POLN: variants seen among roughly 807,000 people sequenced by gnomAD.
POLN encodes DNA polymerase nu.
POLN carries 108 observed loss-of-function variants against 113.5 expected under a neutral mutation model. The ratio of observed to expected loss-of-function variants is 0.95; its 90% CI spans 0.81 to 1.12. The LOEUF is 1.12. Among genes scored for constraint, POLN ranks in the 50% most tolerant of loss-of-function variants. POLN has a pLI of 0.00. For missense variants in POLN, 1,097 were observed against 1,077.1 expected, an observed-to-expected ratio of 1.02 and a Z score of -0.26; for synonymous variants, 386 against 391.5, an observed-to-expected ratio of 0.99 and a Z score of 0.17.
At chr4:2,239,708 T>C (rs1734901040) in intron 2 of POLN, among the ~76,000 whole-genome samples, 1 of 152,178 alleles carries the variant, frequency 6.6e-6, no homozygotes, top group Admixed American at 6.6e-5. Flanking sequence ...ATAAAGCAAT[T>C]AGTTTCTAGC....
chr4:2,162,361 C>T (rs371834785), intron 13 of POLN, among the ~76,000 whole-genome samples: 4 of 151,822 alleles, frequency 2.6e-5, no homozygotes, highest in African/African-American at 4.8e-5. Flanking sequence ...AGCGAGACCA[C>T]GAACCCACCA....
chr4:2,112,456 G>A (rs957071873), intron 19 of POLN, among the ~76,000 whole-genome samples: 80 of 151,974 alleles, frequency 5.3e-4, no homozygotes, highest in Non-Finnish European at 1.0e-3. Flanking sequence ...GCAACCTACA[G>A]AATGGGAGAA....
intron 11 of POLN, among the ~76,000 whole-genome samples, chr4:2,171,681 G>A (rs751808514): frequency 7.3e-5 from 11 of 150,254 alleles, no homozygotes; most frequent in Non-Finnish European, 8.9e-5. Flanking sequence ...GGTTCACACC[G>A]GTGATCCCAG....
chr4:2,085,207 A>G (rs927606456), intron 21 of POLN, among the ~76,000 whole-genome samples: 8 of 152,172 alleles, frequency 5.3e-5, no homozygotes, highest in African/African-American at 1.7e-4. Flanking sequence ...CCACCTTTTC[A>G]TTGCACTGTG....
chr4:2,182,031 A>T (rs115023056), intron 7 of POLN, among the ~76,000 whole-genome samples: 2,074 of 152,176 alleles, frequency 0.014, 29 homozygotes, highest in Non-Finnish European at 0.021. Context: ...TTTAAACTAC[A>T]TAAAGACATA....
chr4:2,190,208 C>T (rs576395877), intron 7 of POLN, among the ~76,000 whole-genome samples: 88 of 151,970 alleles, frequency 5.8e-4, no homozygotes, highest in South Asian at 2.3e-3. Flanking sequence ...GACATAAAAC[C>T]GACACGCAGA....
chr4:2,084,159 C>G (rs1730496467), intron 21 of POLN, among the ~76,000 whole-genome samples: 1 of 152,246 alleles, frequency 6.6e-6, no homozygotes, highest in Non-Finnish European at 1.5e-5. Context: ...AGACTATTCT[C>G]AGGGGTGGCT....
intron 8 of POLN, among the ~76,000 whole-genome samples, chr4:2,176,760 C>T (rs768670775): frequency 1.3e-5 from 2 of 152,134 alleles, no homozygotes; most frequent in African/African-American, 4.8e-5. Flanking sequence ...TCCACACTTA[C>T]CCCTCCATTC....
intron 19 of POLN, among the ~76,000 whole-genome samples, chr4:2,107,803 G>A (rs1037251447): frequency 2.6e-5 from 4 of 152,142 alleles, no homozygotes; most frequent in East Asian, 1.9e-4. Flanking sequence ...GAAAACTGCC[G>A]CTGGGGCCTG....
intron 23 of POLN, among the ~76,000 whole-genome samples, chr4:2,076,119 C>T (rs1203064352): frequency 1.3e-5 from 2 of 152,192 alleles, no homozygotes; most frequent in East Asian, 1.9e-4. Context: ...CCTCCCAGGG[C>T]GTCAGCAGGG....
At chr4:2,140,126 T>C (rs981702820) in intron 16 of POLN, 2 of 152,194 alleles carry the variant, frequency 1.3e-5, no homozygotes, top group African/African-American at 4.8e-5. Flanking sequence ...TCGCCCAGAC[T>C]ACAGTGCAGT....
chr4:2,160,441 C>G (rs1732551806), intron 13 of POLN, among the ~76,000 whole-genome samples: 1 of 151,892 alleles, frequency 6.6e-6, no homozygotes, highest in South Asian at 2.1e-4. Flanking sequence ...AGGTCTTGCT[C>G]TGTTCCCCGG....
intron 23 of POLN, 196 bp downstream of exon 23, chr4:2,080,762 G>A (rs1020538510): frequency 8.9e-6 from 13 of 1,452,960 alleles, no homozygotes; most frequent in Non-Finnish European, 1.1e-5. Flanking sequence ...TGCACCCCAC[G>A]CTGGTGGATG....
At chr4:2,234,032 T>C (rs145683387) in intron 2 of POLN, among the ~76,000 whole-genome samples, 1 of 152,062 alleles carries the variant, frequency 6.6e-6, no homozygotes, top group Non-Finnish European at 1.5e-5. Context: ...AAGATACATA[T>C]GATATTGTTC....
At chr4:2,163,735 G>A (rs1050223459) in intron 13 of POLN, among the ~76,000 whole-genome samples, 1 of 152,240 alleles carries the variant, frequency 6.6e-6, no homozygotes, top group Non-Finnish European at 1.5e-5. Context: ...CTGGGCATCC[G>A]TGTTTTCCAA....
At chr4:2,163,645 G>A (rs537865442) in intron 13 of POLN, among the ~76,000 whole-genome samples, 2 of 152,304 alleles carry the variant, frequency 1.3e-5, no homozygotes, top group East Asian at 1.9e-4. Flanking sequence ...GCTGCGTATC[G>A]CAATCAACAG....
intron 13 of POLN, 113 bp from the exon 14 acceptor site, chr4:2,159,324 C>A: frequency 1.1e-6 from 1 of 909,416 alleles, no homozygotes; most frequent in Non-Finnish European, 1.7e-6. Flanking sequence ...GCATATTTTC[C>A]AAAATAAAGA....
intron 16 of POLN, among the ~76,000 whole-genome samples, chr4:2,135,445 C>T (rs6857435): frequency 0.057 from 8,610 of 152,208 alleles, 823 homozygotes; most frequent in African/African-American, 0.2. Flanking sequence ...TTCATGTGCA[C>T]GGGTTCACAT....
At chr4:2,099,771 G>T (rs1730879934) in intron 19 of POLN, among the ~76,000 whole-genome samples, 1 of 152,132 alleles carries the variant, frequency 6.6e-6, no homozygotes, top group African/African-American at 2.4e-5. Context: ...GCAGGGGTGG[G>T]ATATATGAGA....
Sources: allele counts gnomAD v4.1 joint callset (sites outside exome capture counted in the v4.1 genomes callset), GRCh38; gene constraint gnomAD v4.1.1; transcripts MANE v1.5; gene names NCBI Gene and HGNC (gene_info 2026-07-23, HGNC 2026-07-21).